Variants in KTN1 observed in about 807,000 individuals in gnomAD.
KTN1 encodes the protein kinectin.
A neutral mutation model predicts 222.5 loss-of-function variants in KTN1; 130 were observed. The observed-to-expected ratio is 0.58, with a 90% CI of 0.51 to 0.68. KTN1 has a LOEUF of 0.68. Among genes scored for constraint, KTN1 ranks in the 30% least tolerant of loss-of-function variants. The pLI, the probability that KTN1 is intolerant of heterozygous loss-of-function variation, is 0.00. For missense variants in KTN1, 1,508 were observed against 1,500.4 expected (o/e 1.01, Z -0.08); for synonymous variants, 512 against 496.3 (o/e 1.03, Z -0.42).
At chr14:55,679,230 ACTGTTTGGAATGTACTTT>A (rs1566863109) in intron 42 of KTN1, 1 of 228,928 alleles carries the variant, frequency 4.4e-6, no homozygotes, top group Admixed American at 5.7e-5. Context: ...AACTTTTTTT[ACTGTTTGGAATGTACTTT>A]CTTTTGCGGG....
chr14:55,639,521 A>C (rs187006311), intron 13 of KTN1, among the ~76,000 whole-genome samples: 96 of 151,896 alleles, frequency 6.3e-4, no homozygotes, highest in African/African-American at 2.1e-3. Context: ...AAAGTAGTGG[A>C]AGTAAATTAG....
intron 19 of KTN1, among the ~76,000 whole-genome samples, 163 bp from the exon 20 acceptor site, chr14:55,647,862 T>G (rs1444187508): frequency 6.6e-6 from 1 of 151,650 alleles, no homozygotes; most frequent in Non-Finnish European, 1.5e-5. Context: ...GAGAATGGCA[T>G]GAACCCGGGA....
chr14:55,645,467 T>C (rs2042194384), intron 18 of KTN1, among the ~76,000 whole-genome samples: 1 of 152,164 alleles, frequency 6.6e-6, no homozygotes, highest in African/African-American at 2.4e-5. Flanking sequence ...CTCTGGTAGG[T>C]AGGAGTAACT....
intron 1 of KTN1, among the ~76,000 whole-genome samples, chr14:55,580,820 C>A (rs1396740880): frequency 1.3e-5 from 2 of 152,198 alleles, no homozygotes; most frequent in African/African-American, 4.8e-5. Flanking sequence ...GGCGGCGTCC[C>A]CGGGCCGGAG....
At chr14:55,590,764 C>T (rs2033963009) in intron 1 of KTN1, among the ~76,000 whole-genome samples, 1 of 151,940 alleles carries the variant, frequency 6.6e-6, no homozygotes, top group African/African-American at 2.4e-5. Flanking sequence ...CAACCGCTGC[C>T]TCCTAGGTTC....
At chr14:55,648,664 A>T (rs938650861) in intron 20 of KTN1, 138 bp from the exon 21 acceptor site, 1 of 670,744 alleles carries the variant, frequency 1.5e-6, no homozygotes, top group African/African-American at 1.8e-5. Flanking sequence ...AGAATTATAG[A>T]CATGGAAAAA....
chr14:55,618,799 A>G (rs867516862), intron 4 of KTN1, among the ~76,000 whole-genome samples: 91 of 152,286 alleles, frequency 6.0e-4, no homozygotes, highest in African/African-American at 2.1e-3. Flanking sequence ...AATATCTCTC[A>G]GGATTATTTT....
At chr14:55,603,477 G>T (rs1057333236) in intron 1 of KTN1, among the ~76,000 whole-genome samples, 3 of 152,098 alleles carry the variant, frequency 2.0e-5, no homozygotes, top group Non-Finnish European at 4.4e-5. Context: ...AAATTGGTCC[G>T]TCTCTCCTCC....
Position 55,648,046 on chromosome 14 carries a change from G to C in KTN1, c.2229G>C (p.Lys743Asn), listed in dbSNP as rs755527870. The change falls in exon 20 of 44, where the codon AAG becomes AAC. Residue 743 changes from lysine (K) to asparagine (N), a missense_variant. Coordinates refer to ENST00000395314, the MANE Select transcript of KTN1 (RefSeq NM_001079521.2). ...MEKCIQEKDE[K>N]LKTVEELLET... ...TCAGCATTCAAGAAAAAGATGAGAAGTTAAAGACTGTGGAAGAATTACTTG... is the reference window on the plus strand; with the variant it reads ...TCAGCATTCAAGAAAAAGATGAGAACTTAAAGACTGTGGAAGAATTACTTG... The C allele has an allele frequency of 6.5e-7, 1 of 1,541,830 alleles. No individual in the cohort carries two copies. Among genetic ancestry groups the C allele is most frequent in the Non-Finnish European group, 8.8e-7 (1 of 1,140,818 alleles).
chr14:55,628,903 G>A (rs1391490801), intron 6 of KTN1, among the ~76,000 whole-genome samples: 1 of 152,052 alleles, frequency 6.6e-6, no homozygotes, highest in African/African-American at 2.4e-5. Context: ...TTATACAGGA[G>A]TATAACAATT....
At chr14:55,638,795 CATGGGT>C (rs1254629052) in intron 12 of KTN1, among the ~76,000 whole-genome samples, 3 of 151,762 alleles carry the variant, frequency 2.0e-5, no homozygotes, top group Non-Finnish European at 4.4e-5. Context: ...TAAACATGAA[CATGGGT>C]ATTACTAAAC....
In KTN1 at chr14:55,603,372, T is replaced by C. The variant is rs562254335; in HGVS notation, c.-30-8647T>C. 6.6e-5 allele frequency among the ~76,000 whole-genome samples: 10 copies of C among 152,366 alleles called. No individual in the cohort carries two copies. The South Asian group carries it at 2.1e-3, about 32-fold the overall frequency. ...CAGGTTTTGATCACCACTACTCTAC[T>C]GCTTTGGTCAAAGTCACCAGTAACG... is the stretch of plus-strand genomic sequence containing the variant. On this transcript the variant is annotated intron_variant, in intron 1 of 43. Coordinates refer to ENST00000395314, the MANE Select transcript of KTN1 (RefSeq NM_001079521.2).
rs1162102013 is a variant in KTN1, at chr14:55,640,347, T to A, written c.1915-27T>A. On this transcript the variant is annotated intron_variant, in intron 14 of 43. Coordinates refer to ENST00000395314, the MANE Select transcript of KTN1 (RefSeq NM_001079521.2). ...CTTTAAAATCAGTTGTATTAAGTAT[T>A]TTAAATGCTATTTTTCCTTGTTCTA... is the stretch of plus-strand genomic sequence containing the variant. 2.1e-6 allele frequency: 3 copies of A among 1,437,546 alleles called. No individual in the cohort carries two copies. In the Admixed American group the frequency reaches 5.5e-5, roughly 27 times the overall value. The allele number at this position is 1,437,546 out of a possible 1,614,324, so 89.0% of individuals were successfully genotyped here. A position where few individuals can be genotyped will look rare whatever the true frequency, so the allele number is the denominator to read the frequency against.
intron 43 of KTN1, chr14:55,682,005 G>A (rs1419684120): frequency 2.0e-5 from 3 of 152,106 alleles, no homozygotes; most frequent in African/African-American, 7.2e-5. Context: ...GTAGGTAATA[G>A]CTTAATATAT....
chr14:55,645,739 T>C (rs2042220327), intron 18 of KTN1, among the ~76,000 whole-genome samples: 1 of 152,194 alleles, frequency 6.6e-6, no homozygotes, highest in Non-Finnish European at 1.5e-5. Context: ...AAACAATTCT[T>C]ATGAACTAGA....
At chr14:55,640,201 T>C (rs922308772) in intron 14 of KTN1, among the ~76,000 whole-genome samples, 173 bp from the exon 15 acceptor site, 4 of 151,900 alleles carry the variant, frequency 2.6e-5, no homozygotes, top group African/African-American at 9.7e-5. Flanking sequence ...GTGATATAAT[T>C]TACAATAATT....
Position 55,639,240 on chromosome 14 carries a change from C to T in KTN1, c.1823+18C>T. The T allele has an allele frequency of 6.3e-7, 1 of 1,579,416 alleles. No individual in the cohort carries two copies. Among genetic ancestry groups the T allele is most frequent in the Non-Finnish European group, 8.7e-7 (1 of 1,149,452 alleles). ...CATAAAGTGTAAGCCTACCTTTTCA[C>T]ACTCTTATAATTGTGTAGTCACCAC... On this transcript the variant is annotated intron_variant, in intron 13 of 43. Transcript: ENST00000395314.
In KTN1 at chr14:55,648,680, G is replaced by C. The variant is rs186474769; in HGVS notation, c.2299-122G>C. On this transcript the variant is annotated intron_variant, in intron 20 of 43. Transcript: ENST00000395314. ...GAATTATAGACATGGAAAAAAGTGA[G>C]AGTTTTGGGCCTTCCAGAGTAGAAA... 8 of 691,744 alleles carry C rather than the reference G, an allele frequency of 1.2e-5. No individual in the cohort carries two copies. The East Asian group carries it at 1.4e-4, about 12-fold the overall frequency. 42.9% of individuals were successfully genotyped at this position (691,744 alleles called of 1,614,324 possible).
intron 33 of KTN1, 29 bp from the exon 34 acceptor site, chr14:55,667,208 TGTAA>T: frequency 2.4e-6 from 3 of 1,230,146 alleles, no homozygotes; most frequent in Non-Finnish European, 3.5e-6. Context: ...TCTGTGATCT[TGTAA>T]GTTTGATTTG....
Sources: allele counts gnomAD v4.1 joint callset (sites outside exome capture counted in the v4.1 genomes callset), GRCh38; gene constraint gnomAD v4.1.1; transcripts MANE v1.5; gene names NCBI Gene and HGNC (gene_info 2026-07-23, HGNC 2026-07-21).